Variants in EPHA6 observed in about 807,000 individuals in gnomAD.
EPHA6 encodes the protein ephrin type-A receptor 6.
A neutral mutation model predicts 112.0 loss-of-function variants in EPHA6; 50 were observed. The observed-to-expected ratio is 0.45, with a 90% CI of 0.36 to 0.56. The LOEUF (loss-of-function observed/expected upper bound fraction) is 0.56. Ranked by LOEUF, EPHA6 falls within the 20% of genes least tolerant of loss-of-function variation. The probability of loss-of-function intolerance (pLI) is 0.00; values close to 1 mark genes in which losing one functional copy is unlikely to be tolerated. For synonymous variants in EPHA6, 529 were observed against 490.7 expected, an observed-to-expected ratio of 1.08 and a Z score of -1.03; for missense variants, 1,280 against 1,417.4, an observed-to-expected ratio of 0.90 and a Z score of 1.56.
chr3:97,469,814 T>C lies in EPHA6; in HGVS notation c.1895-5538T>C, dbSNP rs529413041. Among the ~76,000 whole-genome samples the C allele has an allele frequency of 1.9e-3, 289 of 151,760 alleles. 2 individuals are homozygous for C. The highest frequency in any genetic ancestry group is 6.6e-3 in the African/African-American group (274 of 41,484). ...AATAATTACATCCATATAACGTGGA[T>C]GTATTGTGAAGAGATACTGTGGAAA... On this transcript the variant is annotated intron_variant, in intron 7 of 17. Coordinates refer to ENST00000389672, the MANE Select transcript of EPHA6 (RefSeq NM_001080448.3).
At chr3:97,123,588 G>A (rs943351325) in intron 3 of EPHA6, among the ~76,000 whole-genome samples, 1 of 152,092 alleles carries the variant, frequency 6.6e-6, no homozygotes, top group Non-Finnish European at 1.5e-5. Flanking sequence ...TTTCATGAAA[G>A]CATGTAAATG....
intron 4 of EPHA6, among the ~76,000 whole-genome samples, chr3:97,241,356 T>C (rs2108575937): frequency 6.6e-6 from 1 of 151,986 alleles, no homozygotes; most frequent in Middle Eastern, 3.4e-3. Flanking sequence ...GCTTTCTTTC[T>C]GTGTGAATTA....
intron 11 of EPHA6, among the ~76,000 whole-genome samples, chr3:97,545,576 T>C (rs1035075502): frequency 6.6e-6 from 1 of 152,240 alleles, no homozygotes; most frequent in African/African-American, 2.4e-5. Flanking sequence ...AGATGTCTAT[T>C]AGGTCCACTT....
intron 6 of EPHA6, among the ~76,000 whole-genome samples, chr3:97,407,771 G>T (rs1006519638): frequency 6.6e-6 from 1 of 151,128 alleles, no homozygotes; most frequent in African/African-American, 2.4e-5. Flanking sequence ...TTCTCCAATA[G>T]GCTCTCCAGT....
intron 3 of EPHA6, among the ~76,000 whole-genome samples, chr3:97,074,832 AAC>A (rs1559710932): frequency 6.6e-6 from 1 of 152,010 alleles, no homozygotes. Flanking sequence ...GATATCTAAA[AAC>A]AGTTACTCAT....
At chr3:97,592,255 T>C in intron 11 of EPHA6, among the ~76,000 whole-genome samples, 1 of 152,244 alleles carries the variant, frequency 6.6e-6, no homozygotes, top group East Asian at 1.9e-4. Flanking sequence ...ATTTTCTGCA[T>C]GCCTGTAACT....
At chr3:97,644,086 A>C (rs1230595799) in intron 14 of EPHA6, among the ~76,000 whole-genome samples, 1 of 151,746 alleles carries the variant, frequency 6.6e-6, no homozygotes, top group Non-Finnish European at 1.5e-5. Context: ...ATAACAAACT[A>C]TCTCTCAGAC....
chr3:96,989,073 C>A (rs1391613156), intron 3 of EPHA6, among the ~76,000 whole-genome samples: 2 of 152,026 alleles, frequency 1.3e-5, no homozygotes, highest in Non-Finnish European at 2.9e-5. Flanking sequence ...ATGATAACTT[C>A]TTAAGAGGGT....
chr3:97,068,160 AAAAAG>A (rs1393956084), intron 3 of EPHA6, among the ~76,000 whole-genome samples: 49 of 143,630 alleles, frequency 3.4e-4, no homozygotes, highest in African/African-American at 1.3e-3. Context: ...ATCTCAAAAA[AAAAAG>A]AAAAAAAAAA....
In EPHA6 at chr3:97,532,418, T is replaced by C. The variant is rs1224680682; in HGVS notation, c.2261T>C (p.Val754Ala). 1 of 1,612,540 alleles carries C rather than the reference T, an allele frequency of 6.2e-7. No individual in the cohort carries two copies. Among genetic ancestry groups the C allele is most frequent in the Non-Finnish European group, 8.5e-7 (1 of 1,178,982 alleles). The change falls in exon 11 of 18, where the codon GTT becomes GCT. Residue 754 changes from valine (V) to alanine (A), a missense_variant. Coordinates refer to ENST00000389672, the MANE Select transcript of EPHA6 (RefSeq NM_001080448.3). ...LKTPGKREIP[V>A]AIKTLKGGHM... is the part of the protein sequence containing the mutation. ...ACACCAGGGAAAAGAGAGATCCCAGTTGCCATTAAAACTTTGAAAGGTGGC... is the reference window on the plus strand; with the variant it reads ...ACACCAGGGAAAAGAGAGATCCCAGCTGCCATTAAAACTTTGAAAGGTGGC...
At chr3:97,406,256 G>A (rs899602607) in intron 6 of EPHA6, among the ~76,000 whole-genome samples, 1 of 152,110 alleles carries the variant, frequency 6.6e-6, no homozygotes, top group African/African-American at 2.4e-5. Flanking sequence ...CACAGATGGA[G>A]TAATTTATAA....
chr3:97,600,231 C>T (rs1334564460), intron 12 of EPHA6, among the ~76,000 whole-genome samples: 7 of 149,498 alleles, frequency 4.7e-5, no homozygotes, highest in Non-Finnish European at 7.4e-5. Flanking sequence ...ATTTGACTTC[C>T]TCTTTTCCTA....
intron 5 of EPHA6, among the ~76,000 whole-genome samples, chr3:97,384,483 C>T (rs1172617078): frequency 1.3e-5 from 2 of 152,144 alleles, no homozygotes; most frequent in African/African-American, 4.8e-5. Flanking sequence ...TCATTTGTAG[C>T]TTTAGCCTGT....
chr3:96,854,459 G>A (rs990881521), intron 1 of EPHA6, among the ~76,000 whole-genome samples: 1 of 151,686 alleles, frequency 6.6e-6, no homozygotes, highest in Admixed American at 6.6e-5. Context: ...TAGATTTATA[G>A]CACTTATCAT....
chr3:97,185,608 G>A (rs112306833), intron 3 of EPHA6, among the ~76,000 whole-genome samples: 1,681 of 152,150 alleles, frequency 0.011, 34 homozygotes, highest in African/African-American at 0.038. Flanking sequence ...CTTTTACACT[G>A]TTGGTGGGAA....
At chr3:97,082,086 C>A (rs556532077) in intron 3 of EPHA6, among the ~76,000 whole-genome samples, 1 of 151,388 alleles carries the variant, frequency 6.6e-6, no homozygotes, top group South Asian at 2.1e-4. Context: ...TCATGTATAA[C>A]ATGTTGTTTT....
rs755546466 is a variant in EPHA6 at position 97,484,078 on chromosome 3, C to G, written c.2200+19C>G. On this transcript the variant is annotated intron_variant, in intron 10 of 17. Coordinates refer to ENST00000389672, the MANE Select transcript of EPHA6 (RefSeq NM_001080448.3). ...GGGGCAGGTAAATGTCAAATCTACA[C>G]TTTTGAACAAAACATTCCTTAATTT... The G allele has an allele frequency of 2.5e-6, 4 of 1,586,146 alleles. No individual in the cohort carries two copies. The highest frequency in any genetic ancestry group is 3.4e-6 in the Non-Finnish European group (4 of 1,168,842).
At chr3:97,688,979 A>C (rs2032460643) in intron 14 of EPHA6, among the ~76,000 whole-genome samples, 1 of 152,218 alleles carries the variant, frequency 6.6e-6, no homozygotes, top group Admixed American at 6.5e-5. Context: ...GCCTATCATT[A>C]AAATGCTCAA....
chr3:97,598,415 CT>C (rs1475198204), intron 12 of EPHA6, among the ~76,000 whole-genome samples: 3 of 112,448 alleles, frequency 2.7e-5, no homozygotes, highest in Non-Finnish European at 5.3e-5. Context: ...TCCCTCCCCC[CT>C]CCCCCCACCC....
Sources: gnomAD v4.1 joint callset for allele counts (sites outside exome capture counted in the v4.1 genomes callset) on GRCh38, gnomAD v4.1.1 for gene constraint, MANE v1.5 for transcripts, NCBI Gene and HGNC (gene_info 2026-07-23, HGNC 2026-07-21) for gene names.